The following NCOA6 variants were observed in gnomAD, a reference collection of about 807,000 sequenced individuals.
NCOA6 encodes nuclear receptor coactivator 6, also known as NRC RAP250.
A neutral mutation model predicts 171.4 loss-of-function variants in NCOA6; 49 were observed. That is an observed-to-expected ratio of 0.29 (90% confidence interval 0.23 to 0.36). The LOEUF (loss-of-function observed/expected upper bound fraction) is 0.36, where lower values mean the gene tolerates loss of function less well. NCOA6 is among the 10% of genes least tolerant of loss of function. NCOA6 has a pLI of 1.00. For synonymous variants in NCOA6, 910 were observed against 927.5 expected, an observed-to-expected ratio of 0.98 and a Z score of 0.34; for missense variants, 2,248 against 2,554.5, an observed-to-expected ratio of 0.88 and a Z score of 2.59.
chr20:34,767,391 G>T (rs2077012038), intron 5 of NCOA6, among the ~76,000 whole-genome samples: 1 of 152,062 alleles, frequency 6.6e-6, no homozygotes, highest in Non-Finnish European at 1.5e-5. Flanking sequence ...CACCTCCCAG[G>T]TTCAACTGGT....
intron 1 of NCOA6, among the ~76,000 whole-genome samples, chr20:34,812,321 A>T (rs916576279): frequency 1.3e-5 from 2 of 152,094 alleles, no homozygotes; most frequent in African/African-American, 4.8e-5. Flanking sequence ...CCCAAGGGAA[A>T]ATTTGTGCAG....
rs907412830 is a variant in NCOA6 at position 34,715,152 on chromosome 20, G to A, written c.*170C>T. On this transcript the variant is annotated 3_prime_UTR_variant, in exon 15 of 15. Transcript: ENST00000359003. The stretch of plus-strand genomic sequence containing the variant: ...CTCGCAACACCAAAAGGGCTCAACA[G>A]TCCTGCTTTCCCCATTGCACTTTAT... 1 of 774,370 alleles carries A rather than the reference G, an allele frequency of 1.3e-6. No individual in the cohort carries two copies. Among genetic ancestry groups the A allele is most frequent in the Middle Eastern group, 2.5e-4 (1 of 3,978 alleles). The allele number at this position is 774,370 out of a possible 1,614,324, so 48.0% of individuals were successfully genotyped here.
At chr20:34,809,673 A>C (rs1244530152) in intron 1 of NCOA6, among the ~76,000 whole-genome samples, 1 of 152,214 alleles carries the variant, frequency 6.6e-6, no homozygotes, top group Non-Finnish European at 1.5e-5. Flanking sequence ...TACTCTAGAA[A>C]GAGTTGTAAA....
chr20:34,804,064 G>A (rs1234070741), intron 1 of NCOA6, among the ~76,000 whole-genome samples: 2 of 150,906 alleles, frequency 1.3e-5, no homozygotes, highest in East Asian at 2.0e-4. Flanking sequence ...TAGGCCAAGC[G>A]TGGTGGCTCA....
At position 34,736,739 on chromosome 20, in the gene NCOA6, G is replaced by C; in HGVS notation, c.5913C>G (p.Val1971=). The part of the protein sequence containing the change: ...LPSIAPSQNL[V]SKETSTTALQ... ...GTGCTGTGGTTGAAGTTTCCTTTGA[G>C]ACTAAATTCTGCGACGGGGCTAAGG... The change falls in exon 12 of 15, where the codon GTC becomes GTG. Residue 1971 remains valine, a synonymous_variant. Transcript: ENST00000359003. 5 of 1,610,676 alleles carry C rather than the reference G, an allele frequency of 3.1e-6. No homozygotes were observed. The highest frequency in any genetic ancestry group is 4.2e-6 in the Non-Finnish European group (5 of 1,178,198).
intron 1 of NCOA6, among the ~76,000 whole-genome samples, chr20:34,811,198 C>CGT (rs1285154596): frequency 4.0e-4 from 8 of 20,130 alleles, no homozygotes; most frequent in East Asian, 2.1e-3. Flanking sequence ...ACAACAACAA[C>CGT]GTGTATATAT....
At chr20:34,779,771 G>A (rs1340330461) in intron 3 of NCOA6, among the ~76,000 whole-genome samples, 1 of 152,080 alleles carries the variant, frequency 6.6e-6, no homozygotes, top group Non-Finnish European at 1.5e-5. Context: ...GCCCCTTCCA[G>A]CTCTTAAACC....
At chr20:34,744,084 G>A (rs2076232309) in intron 10 of NCOA6, among the ~76,000 whole-genome samples, 1 of 152,126 alleles carries the variant, frequency 6.6e-6, no homozygotes, top group Non-Finnish European at 1.5e-5. Flanking sequence ...AATAAAATTA[G>A]GGCATTGAAG....
At chr20:34,815,418 G>C (rs144314011) in intron 1 of NCOA6, among the ~76,000 whole-genome samples, 27 of 151,916 alleles carry the variant, frequency 1.8e-4, no homozygotes, top group African/African-American at 4.1e-4. Context: ...CACAGAAAAA[G>C]AGCATATCAT....
chr20:34,722,658 T>A (rs1989511908), intron 14 of NCOA6, among the ~76,000 whole-genome samples: 1 of 137,462 alleles, frequency 7.3e-6, no homozygotes, highest in African/African-American at 2.8e-5. Context: ...CTAGCCTGGG[T>A]GACACAGTAA....
At chr20:34,743,485 G>T in intron 10 of NCOA6, 144 bp from the exon 11 acceptor site, 1 of 818,058 alleles carries the variant, frequency 1.2e-6, no homozygotes, top group Non-Finnish European at 1.9e-6. Context: ...GGGGCAGGGG[G>T]CAGCCCCTCA....
chr20:34,720,061 A>G (rs1017262958), intron 14 of NCOA6, among the ~76,000 whole-genome samples: 1 of 152,220 alleles, frequency 6.6e-6, no homozygotes, highest in African/African-American at 2.4e-5. Context: ...CTTTCCTTAA[A>G]TTAACATATT....
At chr20:34,728,086 AT>A (rs1434703275) in intron 13 of NCOA6, among the ~76,000 whole-genome samples, 1 of 152,130 alleles carries the variant, frequency 6.6e-6, no homozygotes, top group East Asian at 1.9e-4. Context: ...GGATTTTGTA[AT>A]TTTTTAGAAT....
intron 1 of NCOA6, among the ~76,000 whole-genome samples, chr20:34,816,804 A>AAAAC (rs374889680): frequency 7.9e-4 from 119 of 151,276 alleles, no homozygotes; most frequent in East Asian, 3.7e-3. Flanking sequence ...GCTGTCTCCA[A>AAAAC]AAACAAACAA....
intron 1 of NCOA6, among the ~76,000 whole-genome samples, chr20:34,817,901 G>A (rs183352231): frequency 1.8e-4 from 27 of 152,296 alleles, no homozygotes; most frequent in Admixed American, 7.2e-4. Flanking sequence ...AACATTTGAT[G>A]ACTTCCCACT....
At chr20:34,767,345 G>A (rs753019352) in intron 5 of NCOA6, among the ~76,000 whole-genome samples, 33 of 152,092 alleles carry the variant, frequency 2.2e-4, no homozygotes, top group Non-Finnish European at 4.4e-4. Context: ...TGCCCAGGCT[G>A]GAGTGCAGGG....
chr20:34,764,941 C>G (rs1007571076), intron 5 of NCOA6, among the ~76,000 whole-genome samples: 4 of 151,448 alleles, frequency 2.6e-5, no homozygotes, highest in Non-Finnish European at 4.4e-5. Flanking sequence ...TGGTGAAACC[C>G]CATCTCTACT....
Position 34,741,148 on chromosome 20 carries a change from G to A in NCOA6, c.5108C>T (p.Pro1703Leu). The change falls in exon 11 of 15, where the codon CCT becomes CTT. Residue 1703 changes from proline to leucine, a missense_variant. Transcript: ENST00000359003. Reference protein sequence around the residue: ...SVAVVGPLHIPQNIKFSSAPV... With the variant: ...SVAVVGPLHILQNIKFSSAPV... ...AGCAGAAGAAAATTTTATGTTCTGA[G>A]GTATGTGTAAAGGGCCAACAACTGC... 1 of 1,614,246 alleles carries A rather than the reference G, an allele frequency of 6.2e-7. No homozygotes were observed. Among genetic ancestry groups the A allele is most frequent in the Non-Finnish European group, 8.5e-7 (1 of 1,180,056 alleles).
At chr20:34,728,545 C>T (rs1990244476) in intron 13 of NCOA6, among the ~76,000 whole-genome samples, 1 of 152,168 alleles carries the variant, frequency 6.6e-6, no homozygotes, top group Admixed American at 6.5e-5. Flanking sequence ...GTAAGCCCCA[C>T]ACAACAAACA....
Sources: allele counts gnomAD v4.1 joint callset (sites outside exome capture counted in the v4.1 genomes callset), GRCh38; gene constraint gnomAD v4.1.1; transcripts MANE v1.5; gene names NCBI Gene and HGNC (gene_info 2026-07-23, HGNC 2026-07-21).